The following CDK5RAP2 variants were observed in gnomAD, a reference collection of about 807,000 sequenced individuals.
CDK5RAP2 encodes the protein CDK5 regulatory subunit associated protein 2.
CDK5RAP2 carries 147 observed loss-of-function variants against 232.9 expected under a neutral mutation model. The ratio of observed to expected loss-of-function variants is 0.63; its 90% CI spans 0.55 to 0.72. The LOEUF is 0.72. Among genes scored for constraint, CDK5RAP2 ranks in the 30% least tolerant of loss-of-function variants. The pLI, the probability that CDK5RAP2 is intolerant of heterozygous loss-of-function variation, is 0.00. For synonymous variants in CDK5RAP2, 833 were observed against 833.7 expected (o/e 1.00, Z 0.01); for missense variants, 2,195 against 2,231.5 (o/e 0.98, Z 0.33).
intron 28 of CDK5RAP2, among the ~76,000 whole-genome samples, chr9:120,413,063 T>C (rs935081968): frequency 3.3e-5 from 5 of 152,160 alleles, no homozygotes; most frequent in African/African-American, 1.2e-4. Context: ...TTTGTATTAC[T>C]AAAACAATTA....
At position 120,568,382 on chromosome 9, in the gene CDK5RAP2, G is replaced by C. The variant is rs2042723087; in HGVS notation, c.134C>G (p.Pro45Arg). 1 of 1,612,498 alleles carries C rather than the reference G, an allele frequency of 6.2e-7. No individual in the cohort carries two copies. The highest frequency in any genetic ancestry group is 8.5e-7 in the Non-Finnish European group (1 of 1,178,648). Residue 45 changes from proline to arginine, a missense_variant, in exon 3 of 38, where the codon CCA becomes CGA. Pro to Arg is a moderately radical substitution (Grantham distance 103). Transcript: ENST00000349780. ...AGACACTGTTTCTTCTGACACATTT[G>C]GGAGCACTGTAAAAAGGTAAAATAG... ...PNAGLGNGLL[P>R]NVSEETVSPT...
At chr9:120,394,369 G>T in intron 36 of CDK5RAP2, 143 bp downstream of exon 36, 1 of 1,320,014 alleles carries the variant, frequency 7.6e-7, no homozygotes, top group Non-Finnish European at 1.1e-6. Context: ...GAGTCAGAAA[G>T]GATGGAGTAT....
At chr9:120,493,872 G>A (rs966069543) in intron 12 of CDK5RAP2, among the ~76,000 whole-genome samples, 2 of 152,102 alleles carry the variant, frequency 1.3e-5, no homozygotes, top group Non-Finnish European at 2.9e-5. Context: ...CAGGCAGATC[G>A]CTTGAGGTCA....
chr9:120,442,467 C>T (rs1231747960), intron 23 of CDK5RAP2, among the ~76,000 whole-genome samples: 1 of 152,078 alleles, frequency 6.6e-6, no homozygotes, highest in African/African-American at 2.4e-5. Context: ...GCCTCAGCTG[C>T]GCAACAATTA....
At chr9:120,487,195 G>T (rs2038657552) in intron 14 of CDK5RAP2, 99 bp downstream of exon 14, 2 of 1,307,470 alleles carry the variant, frequency 1.5e-6, no homozygotes. Context: ...CCAACAAGAA[G>T]GCATTTGAGG....
chr9:120,543,244 C>A (rs1043914177), intron 5 of CDK5RAP2, among the ~76,000 whole-genome samples: 1 of 152,214 alleles, frequency 6.6e-6, no homozygotes, highest in African/African-American at 2.4e-5. Flanking sequence ...GACTAGCTTC[C>A]TGACTGGTCG....
At chr9:120,514,543 C>A (rs1441172489) in intron 12 of CDK5RAP2, among the ~76,000 whole-genome samples, 4 of 152,166 alleles carry the variant, frequency 2.6e-5, no homozygotes, top group African/African-American at 9.7e-5. Flanking sequence ...CCCAGCGTGG[C>A]TGGCAATGAG....
chr9:120,441,571 G>T (rs576613424), intron 23 of CDK5RAP2, among the ~76,000 whole-genome samples: 3 of 152,216 alleles, frequency 2.0e-5, no homozygotes, highest in Non-Finnish European at 4.4e-5. Flanking sequence ...TGCTACAAAA[G>T]CAACAACGTG....
chr9:120,447,449 G>C (rs1204729399), intron 22 of CDK5RAP2, among the ~76,000 whole-genome samples: 1 of 152,190 alleles, frequency 6.6e-6, no homozygotes, highest in Admixed American at 6.5e-5. Context: ...AAGAGGGTGG[G>C]GAAGTGGGTT....
chr9:120,497,021 T>TAGAA (rs893584037), intron 12 of CDK5RAP2, among the ~76,000 whole-genome samples: 1 of 135,062 alleles, frequency 7.4e-6, no homozygotes, highest in Non-Finnish European at 1.5e-5. Flanking sequence ...CGTGTCTGTG[T>TAGAA]AGAAAGAAGT....
At chr9:120,470,004 G>A in intron 17 of CDK5RAP2, 107 bp downstream of exon 17, 1 of 666,962 alleles carries the variant, frequency 1.5e-6, no homozygotes, top group Non-Finnish European at 2.7e-6. Context: ...GGGACAGGAA[G>A]GAAGGAGAGA....
chr9:120,534,247 C>A (rs115200022), intron 7 of CDK5RAP2, among the ~76,000 whole-genome samples: 1,941 of 152,270 alleles, frequency 0.013, 42 homozygotes, highest in African/African-American at 0.044. Context: ...CCAGGCTATG[C>A]ACCCTCCTGT....
At chr9:120,571,756 C>T in intron 2 of CDK5RAP2, 1 of 572,910 alleles carries the variant, frequency 1.7e-6, no homozygotes, top group Non-Finnish European at 3.2e-6. Context: ...AAATGAAACT[C>T]ATGAAGTATG....
At chr9:120,455,928 C>T (rs2036748552) in intron 20 of CDK5RAP2, among the ~76,000 whole-genome samples, 1 of 151,852 alleles carries the variant, frequency 6.6e-6, no homozygotes. Context: ...ATCCAAAGAT[C>T]AAAAACAGGA....
At chr9:120,404,244 C>A in intron 32 of CDK5RAP2, 131 bp from the exon 33 acceptor site, 1 of 712,318 alleles carries the variant, frequency 1.4e-6, no homozygotes. Flanking sequence ...CAAATCTTCA[C>A]TGGGCCTCTG....
At chr9:120,556,865 G>T (rs955890754) in intron 3 of CDK5RAP2, among the ~76,000 whole-genome samples, 2 of 151,830 alleles carry the variant, frequency 1.3e-5, no homozygotes, top group African/African-American at 2.4e-5. Context: ...AACAGCACAA[G>T]AAACAACTGG....
At chr9:120,545,649 G>C in intron 5 of CDK5RAP2, 65 bp downstream of exon 5, 7 of 1,165,816 alleles carry the variant, frequency 6.0e-6, no homozygotes, top group Non-Finnish European at 7.8e-6. Flanking sequence ...AAAGTGTACG[G>C]CTCTATTTCA....
Position 120,400,895 on chromosome 9 carries a change from G to A in CDK5RAP2, c.5308-10C>T, listed in dbSNP as rs1172436925. 3 of 1,614,064 alleles carry A rather than the reference G, an allele frequency of 1.9e-6. No individual in the cohort carries two copies. The highest frequency in any genetic ancestry group is 2.2e-5 in the East Asian group (1 of 44,874). On this transcript the variant is annotated splice_polypyrimidine_tract_variant and intron_variant, in intron 34 of 37. Coordinates refer to ENST00000349780, the MANE Select transcript of CDK5RAP2 (RefSeq NM_018249.6). ...GTGCTGGGTGTGGACCCTACACGGG[G>A]GATATGAAGGCTGTTACGTGCAGTC...
Position 120,403,013 on chromosome 9 carries a change from G to A in CDK5RAP2, c.5100C>T (p.Gly1700=). 6.2e-7 allele frequency: 1 copy of A among 1,614,148 alleles called. No individual in the cohort carries two copies. Among genetic ancestry groups the A allele is most frequent in the African/African-American group, 1.3e-5 (1 of 75,068 alleles). ...CACACGGAGTGCTAGTTGCCGAACT[G>A]CCACTGTCGCAGGAGAGGGAGTCCG... ...NDTDSLSCDS[G]SSATSTPCVS... The change falls in exon 34 of 38, where the codon GGC becomes GGT. Residue 1700 remains glycine, a synonymous_variant. Coordinates refer to ENST00000349780, the MANE Select transcript of CDK5RAP2 (RefSeq NM_018249.6). This position sits in a 1 kb window ranked among gnomAD's most constrained non-coding sequence, Gnocchi z 4.2.
Sources: gnomAD v4.1 joint callset for allele counts (sites outside exome capture counted in the v4.1 genomes callset) on GRCh38, gnomAD v4.1.1 for gene constraint, Gnocchi (gnomAD v3.1) non-coding constraint, MANE v1.5 for transcripts, NCBI Gene and HGNC (gene_info 2026-07-23, HGNC 2026-07-21) for gene names.